The following SLIT1 variants were observed in gnomAD, a reference collection of about 807,000 sequenced individuals.
SLIT1 encodes slit guidance ligand 1, also known as slit homolog 1 protein.
In SLIT1, 66 loss-of-function variants were observed where a neutral mutation model predicts 186.1. The ratio of observed to expected loss-of-function variants is 0.35; its 90% confidence interval spans 0.29 to 0.44. The LOEUF (loss-of-function observed/expected upper bound fraction) is 0.44. SLIT1 is among the 20% of genes least tolerant of loss of function. SLIT1 has a pLI of 1.00. For missense variants in SLIT1, 1,638 were observed against 2,037.4 expected (o/e 0.80, Z 3.77); for synonymous variants, 761 against 833.8 (o/e 0.91, Z 1.50).
chr10:97,053,531 C>T (rs529358942), intron 13 of SLIT1, among the ~76,000 whole-genome samples: 1 of 152,282 alleles, frequency 6.6e-6, no homozygotes, highest in African/African-American at 2.4e-5. Context: ...TGGAACCTAT[C>T]CCAATACCCC....
intron 4 of SLIT1, among the ~76,000 whole-genome samples, chr10:97,149,757 T>G (rs543918031): frequency 6.6e-6 from 1 of 152,278 alleles, no homozygotes; most frequent in South Asian, 2.1e-4. Context: ...GGTTCGAATC[T>G]CAGCTCTGAT....
chr10:97,070,519 A>T (rs968290250), intron 4 of SLIT1, among the ~76,000 whole-genome samples: 3 of 152,236 alleles, frequency 2.0e-5, no homozygotes, highest in Admixed American at 6.5e-5. Context: ...TTTCCTCTCA[A>T]AAAAGGCATA....
chr10:97,119,939 A>ATATATATATATATATATATATATATG (rs1292491658), intron 4 of SLIT1, among the ~76,000 whole-genome samples: 18 of 136,722 alleles, frequency 1.3e-4, no homozygotes, highest in Non-Finnish European at 2.4e-4. Context: ...ATATATATAT[A>ATATATATATATATATATATATATATG]TATATATGTA....
chr10:97,092,017 T>TA (rs1297449948), intron 4 of SLIT1, among the ~76,000 whole-genome samples: 1 of 152,250 alleles, frequency 6.6e-6, no homozygotes, highest in Non-Finnish European at 1.5e-5. Flanking sequence ...CTCATCTTCT[T>TA]ACATTTATCT....
intron 3 of SLIT1, among the ~76,000 whole-genome samples, chr10:97,163,068 G>A (rs1850051388): frequency 6.6e-6 from 1 of 152,222 alleles, no homozygotes; most frequent in Non-Finnish European, 1.5e-5. Flanking sequence ...GTCAGGATGA[G>A]ATGACAGGAA....
In SLIT1 at chr10:97,004,005, C is replaced by G. The variant is rs1848335649; in HGVS notation, c.3865+63G>C. ...TTCCCACAGTGCAGTCCCTAGGCAC[C>G]AGCTCTCCTGGCTGGCCTCAGGCCA... On this transcript the variant is annotated intron_variant, in intron 34 of 36. Coordinates refer to ENST00000266058, the MANE Select transcript of SLIT1 (RefSeq NM_003061.3). The surrounding 1 kb of genome is among the most constrained non-coding windows in gnomAD (Gnocchi z 5.1). 2 of 1,443,220 alleles carry G rather than the reference C, an allele frequency of 1.4e-6. No individual in the cohort carries two copies. Among genetic ancestry groups the G allele is most frequent in the South Asian group, 2.5e-5 (2 of 79,282 alleles). The allele number at this position is 1,443,220 out of a possible 1,614,324, so 89.4% of individuals were successfully genotyped here. A position where few individuals can be genotyped will look rare whatever the true frequency, so the allele number is the denominator to read the frequency against.
At position 97,043,315 on chromosome 10, in the gene SLIT1, G is replaced by A. The variant is rs573899095; in HGVS notation, c.1997+55C>T. Reference sequence around the variant, plus strand: ...CTCTTTCAAAGTGGCTGGCCGAGACGGTTGGGACGGTTGCTCCAGAGCCCC... The same window carrying A: ...CTCTTTCAAAGTGGCTGGCCGAGACAGTTGGGACGGTTGCTCCAGAGCCCC... On this transcript the variant is annotated intron_variant, in intron 19 of 36. Transcript: ENST00000266058. This position sits in a 1 kb window ranked among gnomAD's most constrained non-coding sequence, Gnocchi z 7.0. The A allele has an allele frequency of 1.4e-3, 2,218 of 1,606,878 alleles. 62 individuals carry two copies. In the Admixed American group the frequency reaches 0.035, roughly 25 times the overall value.
chr10:97,101,262 T>C (rs540410103), intron 4 of SLIT1: 1 of 152,152 alleles, frequency 6.6e-6, no homozygotes, highest in South Asian at 2.1e-4. Flanking sequence ...CCTCTTCCTA[T>C]TGGATGGAGC....
At chr10:97,138,785 A>G (rs1308805824) in intron 4 of SLIT1, among the ~76,000 whole-genome samples, 3 of 152,172 alleles carry the variant, frequency 2.0e-5, no homozygotes, top group Non-Finnish European at 2.9e-5. Context: ...AGTATAATTG[A>G]TATGTGTGCA....
Position 97,059,500 on chromosome 10 carries a change from C to G in SLIT1, c.1045G>C (p.Ala349Pro). ...CGGAGGCCCTGGAAGGCGTCGGGTG[C>G]AATCTCAGCGATCTGATTGTTGCTC... ...DLSNNQIAEIAPDAFQGLRSL... is the reference protein window; with the variant it reads ...DLSNNQIAEIPPDAFQGLRSL... Residue 349 changes from alanine to proline, a missense_variant, in exon 11 of 37, where the codon GCA becomes CCA. Around this residue, in one of 3 missense-constraint regions of SLIT1, gnomAD observed 1,245 missense variants for 1,535.3 expected, o/e 0.81. Transcript: ENST00000266058. 6.2e-7 allele frequency: 1 copy of G among 1,613,824 alleles called. No homozygotes were observed.
At chr10:97,033,234 T>C (rs952033650) in intron 23 of SLIT1, among the ~76,000 whole-genome samples, 1 of 152,094 alleles carries the variant, frequency 6.6e-6, no homozygotes, top group Non-Finnish European at 1.5e-5. Flanking sequence ...TTTTGTATTT[T>C]GGCTTGGGCC....
intron 20 of SLIT1, among the ~76,000 whole-genome samples, chr10:97,041,415 C>A (rs773327879): frequency 7.0e-6 from 1 of 143,436 alleles, no homozygotes; most frequent in Admixed American, 7.4e-5. Flanking sequence ...TAGCAAATGT[C>A]GACAGGAGTT....
At position 97,146,895 on chromosome 10, in the gene SLIT1, C is replaced by T. The variant is rs72821744; in HGVS notation, c.413+10923G>A. 7.2e-3 allele frequency among the ~76,000 whole-genome samples: 1,093 copies of T among 152,110 alleles called. 4 individuals carry two copies. The highest frequency in any genetic ancestry group is 8.3e-3 in the Non-Finnish European group (561 of 67,992). ...AAACAAGAACGACTCCTGCCTGAGC[C>T]TCTGTCCAATCTGGTGGAAAAGGCA... is the stretch of plus-strand genomic sequence containing the variant. On this transcript the variant is annotated intron_variant, in intron 4 of 36. Coordinates refer to ENST00000266058, the MANE Select transcript of SLIT1 (RefSeq NM_003061.3).
At chr10:97,161,621 A>G (rs1850027131) in intron 3 of SLIT1, among the ~76,000 whole-genome samples, 1 of 152,206 alleles carries the variant, frequency 6.6e-6, no homozygotes, top group African/African-American at 2.4e-5. Context: ...TACTAAAAAT[A>G]CAAAAAATTA....
intron 4 of SLIT1, among the ~76,000 whole-genome samples, chr10:97,143,525 A>G (rs957108148): frequency 6.6e-6 from 1 of 152,254 alleles, no homozygotes; most frequent in African/African-American, 2.4e-5. Context: ...AAAGTTCTGG[A>G]GATCTGTTTA....
At chr10:97,045,312 A>G (rs1278910594) in intron 18 of SLIT1, among the ~76,000 whole-genome samples, 1 of 152,224 alleles carries the variant, frequency 6.6e-6, no homozygotes, top group Non-Finnish European at 1.5e-5. Context: ...TTAAATGTGG[A>G]ATGGAAAAAA....
intron 13 of SLIT1, among the ~76,000 whole-genome samples, chr10:97,050,172 G>A (rs930011330): frequency 2.6e-5 from 4 of 152,156 alleles, no homozygotes; most frequent in Admixed American, 1.3e-4. Context: ...AAAGAAGTAC[G>A]GGGAGACAGA....
chr10:97,113,383 C>T (rs1849481789), intron 4 of SLIT1, among the ~76,000 whole-genome samples: 1 of 152,118 alleles, frequency 6.6e-6, no homozygotes, highest in African/African-American at 2.4e-5. Flanking sequence ...GGATTACAGG[C>T]GTGTACCACC....
chr10:97,124,229 G>A (rs1023953516), intron 4 of SLIT1, among the ~76,000 whole-genome samples: 2 of 152,156 alleles, frequency 1.3e-5, no homozygotes, highest in African/African-American at 2.4e-5. Context: ...TCTTGTCCCT[G>A]CACATTTTCT....
Sources: allele counts gnomAD v4.1 joint callset (sites outside exome capture counted in the v4.1 genomes callset), GRCh38; gene constraint gnomAD v4.1.1; regional missense constraint gnomAD v4.1.1; non-coding constraint Gnocchi (gnomAD v3.1); transcripts MANE v1.5; gene names NCBI Gene and HGNC (gene_info 2026-07-23, HGNC 2026-07-21).